KIF6: variants seen among roughly 807,000 people sequenced by gnomAD.
KIF6 encodes the protein kinesin family member 6.
KIF6 carries 106 observed loss-of-function variants against 112.7 expected under a neutral mutation model. The observed-to-expected ratio is 0.94, with a 90% CI of 0.80 to 1.11. The LOEUF (loss-of-function observed/expected upper bound fraction) is 1.11, where lower values mean the gene tolerates loss of function less well. KIF6 is among the 50% of genes least tolerant of loss of function. The pLI, the probability that KIF6 is intolerant of heterozygous loss-of-function variation, is 0.00. For missense variants in KIF6, 929 were observed against 964.0 expected (o/e 0.96, Z 0.48); for synonymous variants, 339 against 339.9 (o/e 1.00, Z 0.03).
chr6:39,501,028 G>A (rs1034601737), intron 13 of KIF6, among the ~76,000 whole-genome samples: 2 of 152,142 alleles, frequency 1.3e-5, no homozygotes, highest in African/African-American at 4.8e-5. Context: ...ACCTTCAACT[G>A]AAATATCTAG....
intron 13 of KIF6, among the ~76,000 whole-genome samples, chr6:39,442,517 G>A (rs1771980791): frequency 6.6e-6 from 1 of 152,212 alleles, no homozygotes; most frequent in African/African-American, 2.4e-5. Context: ...AGCCGCCTGG[G>A]TCATGGTGGC....
intron 5 of KIF6, among the ~76,000 whole-genome samples, chr6:39,627,345 T>C (rs147914573): frequency 9.8e-5 from 15 of 152,314 alleles, no homozygotes; most frequent in Non-Finnish European, 1.0e-4. Context: ...TTGGCTCTCT[T>C]ACAATGTTTT....
At position 39,343,880 on chromosome 6, in the gene KIF6, A is replaced by G. The variant is rs1341809900; in HGVS notation, c.2322-65T>C. On this transcript the variant is annotated intron_variant, in intron 21 of 22. Coordinates refer to ENST00000287152, the MANE Select transcript of KIF6 (RefSeq NM_145027.6). This position sits in a 1 kb window ranked among gnomAD's most constrained non-coding sequence, Gnocchi z 4.1. ...ACTGGACTCACCACTTATATTTCCA[A>G]AATGCTTTTCCATTTTAGGTGACTG... 7.1e-6 allele frequency: 7 copies of G among 980,080 alleles called. No individual in the cohort carries two copies. The highest frequency in any genetic ancestry group is 1.1e-5 in the Non-Finnish European group (7 of 657,070). 60.7% of individuals were successfully genotyped at this position (980,080 alleles called of 1,614,324 possible).
In KIF6 at chr6:39,652,797, G is replaced by A. The variant is rs868112186; in HGVS notation, c.252-13040C>T. 2.6e-5 allele frequency among the ~76,000 whole-genome samples: 4 copies of A among 152,210 alleles called. No individual in the cohort carries two copies. The Middle Eastern group carries it at 0.01, about 388-fold the overall frequency. ...TATATCAAGGTCACACTTAGTAAGT[G>A]ATAAGAGTAATACCAAAGTCTATTT... is the stretch of plus-strand genomic sequence containing the variant. On this transcript the variant is annotated intron_variant, in intron 3 of 22. Coordinates refer to ENST00000287152, the MANE Select transcript of KIF6 (RefSeq NM_145027.6).
At chr6:39,569,842 T>G (rs1780545056) in intron 10 of KIF6, among the ~76,000 whole-genome samples, 1 of 152,212 alleles carries the variant, frequency 6.6e-6, no homozygotes. Flanking sequence ...ATTATTTAGT[T>G]TGTCTCTGAG....
At chr6:39,387,978 C>T (rs764717025) in intron 15 of KIF6, among the ~76,000 whole-genome samples, 24 of 152,202 alleles carry the variant, frequency 1.6e-4, no homozygotes, top group South Asian at 6.2e-4. Flanking sequence ...CCTGGGTATC[C>T]GGCACAGCCT....
intron 15 of KIF6, among the ~76,000 whole-genome samples, chr6:39,410,923 C>G (rs994108154): frequency 1.3e-5 from 2 of 152,228 alleles, no homozygotes; most frequent in African/African-American, 4.8e-5. Flanking sequence ...TACAAGACCT[C>G]TTTTCCTCCT....
intron 6 of KIF6, among the ~76,000 whole-genome samples, chr6:39,598,184 C>G (rs1782379637): frequency 6.6e-6 from 1 of 151,836 alleles, no homozygotes; most frequent in African/African-American, 2.4e-5. Flanking sequence ...GAGACTCCAT[C>G]TCAAAAATAA....
chr6:39,391,540 C>T (rs1418716849), intron 15 of KIF6, among the ~76,000 whole-genome samples: 1 of 152,210 alleles, frequency 6.6e-6, no homozygotes, highest in Non-Finnish European at 1.5e-5. Flanking sequence ...GGAGCAGTCA[C>T]TCCAAATTGT....
chr6:39,412,795 C>A (rs4142118), intron 15 of KIF6, among the ~76,000 whole-genome samples: 16,541 of 152,128 alleles, frequency 0.11, 1,260 homozygotes, highest in East Asian at 0.23. Flanking sequence ...CAGGACTGAA[C>A]TGCAGCCCCC....
chr6:39,490,409 C>A (rs112429408), intron 13 of KIF6, among the ~76,000 whole-genome samples: 2 of 152,092 alleles, frequency 1.3e-5, no homozygotes, highest in African/African-American at 4.8e-5. Flanking sequence ...AGGAATGCTA[C>A]CGGGGAAAAA....
chr6:39,537,516 GA>G (rs1364007798), intron 13 of KIF6, among the ~76,000 whole-genome samples: 2 of 151,842 alleles, frequency 1.3e-5, no homozygotes, highest in Admixed American at 1.3e-4. Flanking sequence ...CAAGGGATGT[GA>G]AGGACCTCTT....
At chr6:39,622,162 C>T (rs1197011029) in intron 5 of KIF6, among the ~76,000 whole-genome samples, 2 of 146,946 alleles carry the variant, frequency 1.4e-5, no homozygotes, top group African/African-American at 5.2e-5. Context: ...AGCGAAAATC[C>T]AGCTCAAAAA....
intron 10 of KIF6, among the ~76,000 whole-genome samples, chr6:39,568,230 G>T (rs114028853): frequency 6.6e-6 from 1 of 152,126 alleles, no homozygotes; most frequent in Admixed American, 6.5e-5. Context: ...CTGTATACAG[G>T]GGGTAACGAG....
At chr6:39,635,042 T>A (rs1379224416) in intron 4 of KIF6, 84 bp from the exon 5 acceptor site, 2 of 739,466 alleles carry the variant, frequency 2.7e-6, no homozygotes, top group Non-Finnish European at 4.8e-6. Context: ...AGCACTCAGT[T>A]TCCTCATAGT....
chr6:39,419,852 A>G, intron 15 of KIF6, 96 bp downstream of exon 15: 1 of 1,074,300 alleles, frequency 9.3e-7, no homozygotes, highest in Non-Finnish European at 1.5e-6. Context: ...GAAACTGGCC[A>G]TTTGGGGCTT....
At chr6:39,496,553 T>G (rs2150484348) in intron 13 of KIF6, among the ~76,000 whole-genome samples, 1 of 152,116 alleles carries the variant, frequency 6.6e-6, no homozygotes, top group East Asian at 1.9e-4. Context: ...GGAATAAAGT[T>G]TAGAGAAAAG....
intron 10 of KIF6, chr6:39,553,994 A>G (rs1346863947): frequency 6.4e-6 from 1 of 155,282 alleles, no homozygotes; most frequent in Non-Finnish European, 1.5e-5. Context: ...GGTTTACAGC[A>G]TTACCAATGT....
In KIF6 at chr6:39,713,854, C is replaced by CA. The variant is rs1359697185; in HGVS notation, c.251+837dup. On this transcript the variant is annotated intron_variant, in intron 3 of 22. Transcript: ENST00000287152. ...ATTCATAAAACAGGAGTTTGAGAGA[C>CA]AAAATGTGGCACTGTGTTCCCAGCA... is the stretch of plus-strand genomic sequence containing the variant. 2.6e-5 allele frequency among the ~76,000 whole-genome samples: 4 copies of CA among 152,146 alleles called. No homozygotes were observed. The East Asian group carries it at 7.7e-4, about 29-fold the overall frequency.
Sources: allele counts gnomAD v4.1 joint callset (sites outside exome capture counted in the v4.1 genomes callset), GRCh38; gene constraint gnomAD v4.1.1; non-coding constraint Gnocchi (gnomAD v3.1); transcripts MANE v1.5; gene names NCBI Gene and HGNC (gene_info 2026-07-23, HGNC 2026-07-21).